The following VANGL1 variants were observed in gnomAD, a reference collection of about 807,000 sequenced individuals.
VANGL1 encodes VANGL planar cell polarity protein 1, also known as vang-like protein 1.
In VANGL1, 18 loss-of-function variants were observed where a neutral mutation model predicts 48.4. The ratio of observed to expected loss-of-function variants is 0.37; its 90% CI spans 0.26 to 0.55. The LOEUF is 0.55. Among genes scored for constraint, VANGL1 ranks in the 20% least tolerant of loss-of-function variants. VANGL1 has a pLI of 0.81. For synonymous variants in VANGL1, 257 were observed against 261.8 expected (o/e 0.98, Z 0.18); for missense variants, 667 against 675.8 (o/e 0.99, Z 0.14).
At chr1:115,653,283 G>A (rs907372728) in intron 2 of VANGL1, among the ~76,000 whole-genome samples, 5 of 152,206 alleles carry the variant, frequency 3.3e-5, no homozygotes, top group Admixed American at 2.0e-4. Context: ...GCTGCTGGAC[G>A]GGGCCTGTGG....
At chr1:115,684,556 C>G (rs914912368) in intron 6 of VANGL1, among the ~76,000 whole-genome samples, 2 of 152,194 alleles carry the variant, frequency 1.3e-5, no homozygotes, top group African/African-American at 2.4e-5. Context: ...CAAACTGAAG[C>G]CTGTATGAAT....
At chr1:115,658,301 T>G (rs1652418351) in intron 2 of VANGL1, among the ~76,000 whole-genome samples, 1 of 152,238 alleles carries the variant, frequency 6.6e-6, no homozygotes, top group South Asian at 2.1e-4. Context: ...ATATGTTGTG[T>G]GTTAATAGTT....
intron 4 of VANGL1, among the ~76,000 whole-genome samples, chr1:115,674,407 C>T (rs1355289361): frequency 1.3e-5 from 2 of 152,162 alleles, no homozygotes; most frequent in African/African-American, 4.8e-5. Flanking sequence ...AGCAGGTGCT[C>T]ATAATTCGTA....
intron 4 of VANGL1, among the ~76,000 whole-genome samples, chr1:115,665,071 T>C (rs1168678463): frequency 6.6e-6 from 1 of 152,238 alleles, no homozygotes; most frequent in East Asian, 1.9e-4. Context: ...TAGCCTCATT[T>C]AGGATTCACT....
rs1309231376 is a variant in VANGL1, at chr1:115,691,268, C to T, written c.1464C>T (p.Phe488=). The T allele has an allele frequency of 3.1e-6, 5 of 1,614,154 alleles. No homozygotes were observed. The highest frequency in any genetic ancestry group is 8.5e-7 in the Non-Finnish European group (1 of 1,180,034). The stretch of plus-strand genomic sequence containing the variant: ...TGTTCGTCCTTAAGTGCTTGGACTT[C>T]AGCCTCGTAGTCAATGTGAAGAAAA... The part of the protein sequence containing the change: ...GIVFVLKCLD[F]SLVVNVKKIP... The change falls in exon 8 of 8, where the codon TTC becomes TTT. Residue 488 remains phenylalanine (F), a synonymous_variant. Transcript: ENST00000355485.
intron 3 of VANGL1, among the ~76,000 whole-genome samples, chr1:115,660,705 C>G (rs1162972574): frequency 6.6e-6 from 1 of 152,134 alleles, no homozygotes; most frequent in African/African-American, 2.4e-5. Flanking sequence ...AGATATAGGA[C>G]TATAGATAAG....
chr1:115,647,595 C>T (rs1450197234), intron 1 of VANGL1, among the ~76,000 whole-genome samples: 1 of 152,122 alleles, frequency 6.6e-6, no homozygotes, highest in Non-Finnish European at 1.5e-5. Flanking sequence ...CTATTAGAAA[C>T]GGTATGACTT....
At chr1:115,652,777 A>G (rs908389986) in intron 2 of VANGL1, among the ~76,000 whole-genome samples, 3 of 152,234 alleles carry the variant, frequency 2.0e-5, no homozygotes, top group African/African-American at 7.2e-5. Context: ...TTACAAGCCC[A>G]TCTGGATTAC....
At chr1:115,677,765 C>G (rs12093757) in intron 4 of VANGL1, among the ~76,000 whole-genome samples, 2,417 of 152,300 alleles carry the variant, frequency 0.016, 69 homozygotes, top group African/African-American at 0.055. Context: ...GTCTATACTT[C>G]AGGCTCCCCC....
rs553196266 is a variant in VANGL1, at chr1:115,659,627, T to C, written c.72-14T>C. 1.6e-5 allele frequency: 26 copies of C among 1,613,590 alleles called. No individual in the cohort carries two copies. The highest frequency in any genetic ancestry group is 2.2e-5 in the Non-Finnish European group (26 of 1,179,850). On this transcript the variant is annotated splice_polypyrimidine_tract_variant and intron_variant, in intron 2 of 7. Transcript: ENST00000355485. ...AACATGGCATAAATGTGCTAGCTCATTGTTGTTTTTCAGGGAAAGAACTAG... is the reference window on the plus strand; with the variant it reads ...AACATGGCATAAATGTGCTAGCTCACTGTTGTTTTTCAGGGAAAGAACTAG...
chr1:115,644,279 T>C (rs1047816819), intron 1 of VANGL1, among the ~76,000 whole-genome samples: 2 of 152,242 alleles, frequency 1.3e-5, no homozygotes, highest in African/African-American at 4.8e-5. Context: ...TCTTAAACAC[T>C]TGTTATGCGG....
rs1460686963 is a variant in VANGL1, at chr1:115,697,078, G to A, written c.*5699G>A. 6.6e-6 allele frequency: 1 copy of A among 152,180 alleles called. No homozygotes were observed. The highest frequency in any genetic ancestry group is 1.5e-5 in the Non-Finnish European group (1 of 68,030). 9.4% of individuals were successfully genotyped at this position (152,180 alleles called of 1,614,324 possible). On this transcript the variant is annotated 3_prime_UTR_variant, in exon 8 of 8. Coordinates refer to ENST00000355485, the MANE Select transcript of VANGL1 (RefSeq NM_138959.3). ...TTGTGAAGTTGCTCATCATTTAGGA[G>A]TGTTTAATTCTAAAAAGCCTTCAGC...
chr1:115,677,169 TA>T, intron 4 of VANGL1, among the ~76,000 whole-genome samples: 1 of 152,366 alleles, frequency 6.6e-6, no homozygotes, highest in South Asian at 2.1e-4. Flanking sequence ...AATTTATCTT[TA>T]AAAAATATGT....
At position 115,659,687 on chromosome 1, in the gene VANGL1, A is replaced by G. The variant is rs1652475632; in HGVS notation, c.118A>G (p.Arg40Gly). The change falls in exon 3 of 8, where the codon AGA becomes GGA. Residue 40 changes from arginine to glycine, a missense_variant. Transcript: ENST00000355485. The part of the protein sequence containing the change: ...RHKSPRNKDG[R>G]GSEKSVTIQP... ...CAAGTCACCCCGGAATAAAGACGGC[A>G]GAGGGTCAGAAAAGTCTGTCACCAT... 1.9e-6 allele frequency: 3 copies of G among 1,614,230 alleles called. No homozygotes were observed. The highest frequency in any genetic ancestry group is 2.5e-6 in the Non-Finnish European group (3 of 1,180,040).
intron 7 of VANGL1, among the ~76,000 whole-genome samples, chr1:115,689,623 T>G (rs1570779025): frequency 1.7e-5 from 2 of 114,328 alleles, no homozygotes; most frequent in East Asian, 2.4e-4. Context: ...GTAACAAGAG[T>G]GAAACTCTGC....
intron 5 of VANGL1, 140 bp from the exon 6 acceptor site, chr1:115,683,803 TG>T: frequency 8.7e-7 from 1 of 1,143,122 alleles, no homozygotes; most frequent in Non-Finnish European, 1.3e-6. Context: ...TTCACCCTCC[TG>T]GGAAGTGACC....
chr1:115,671,203 C>G (rs139606574), intron 4 of VANGL1: 1 of 152,508 alleles, frequency 6.6e-6, no homozygotes, highest in Non-Finnish European at 1.5e-5. Context: ...AGATGGGTCA[C>G]ACTCCCTGAA....
At chr1:115,650,739 T>A (rs928600028) in intron 1 of VANGL1, among the ~76,000 whole-genome samples, 3 of 152,000 alleles carry the variant, frequency 2.0e-5, no homozygotes, top group Admixed American at 1.3e-4. Context: ...ATTTTATTAT[T>A]TATAGACAAT....
chr1:115,655,159 G>A (rs904563163), intron 2 of VANGL1, among the ~76,000 whole-genome samples: 4 of 152,168 alleles, frequency 2.6e-5, no homozygotes, highest in Non-Finnish European at 5.9e-5. Flanking sequence ...GCAGCCAGCC[G>A]GGCCCCAGCA....
Sources: gnomAD v4.1 joint callset for allele counts (sites outside exome capture counted in the v4.1 genomes callset) on GRCh38, gnomAD v4.1.1 for gene constraint, MANE v1.5 for transcripts, NCBI Gene and HGNC (gene_info 2026-07-23, HGNC 2026-07-21) for gene names.